Variants in RHOBTB3 observed in about 807,000 individuals in gnomAD.
RHOBTB3 encodes rho-related BTB domain-containing protein 3.
In RHOBTB3, 47 loss-of-function variants were observed where a neutral mutation model predicts 67.2. The ratio of observed to expected loss-of-function variants is 0.70; its 90% confidence interval spans 0.55 to 0.89. RHOBTB3 has a LOEUF of 0.89. RHOBTB3 is among the 40% of genes least tolerant of loss of function. The pLI is 0.00. For synonymous variants in RHOBTB3, 273 were observed against 274.2 expected, an observed-to-expected ratio of 1.00 and a Z score of 0.04; for missense variants, 631 against 750.0, an observed-to-expected ratio of 0.84 and a Z score of 1.85.
rs1755510388 is a variant in RHOBTB3, at chr5:95,738,434, G to C, written c.415+1359G>C. The stretch of plus-strand genomic sequence containing the variant: ...TGAATTTGTTCCCCAAAGTTCATGT[G>C]ATGGCACAGTGTTGGGCAGTGAGAC... On this transcript the variant is annotated intron_variant, in intron 3 of 11. Coordinates refer to ENST00000379982, the MANE Select transcript of RHOBTB3 (RefSeq NM_014899.4). Among the ~76,000 whole-genome samples, 4 of 152,330 alleles carry C rather than the reference G, an allele frequency of 2.6e-5. No individual in the cohort carries two copies. The South Asian group carries it at 8.3e-4, about 32-fold the overall frequency.
In RHOBTB3 at chr5:95,752,920, A is replaced by T. The variant is rs576286761; in HGVS notation, c.682+570A>T. On this transcript the variant is annotated intron_variant, in intron 5 of 11. Transcript: ENST00000379982. The stretch of plus-strand genomic sequence containing the variant: ...GCCGAGGTGGGAGGATCACAAGGTC[A>T]GGAGATCGAGACCATCCTGGCTAAC... Among the ~76,000 whole-genome samples, 8 of 152,292 alleles carry T rather than the reference A, an allele frequency of 5.3e-5. No individual in the cohort carries two copies. In the East Asian group the frequency reaches 1.5e-3, roughly 29 times the overall value.
chr5:95,764,730 T>G (rs1354799580), intron 7 of RHOBTB3, among the ~76,000 whole-genome samples: 1 of 152,248 alleles, frequency 6.6e-6, no homozygotes, highest in Non-Finnish European at 1.5e-5. Context: ...CTTTTCTGTT[T>G]TCTAAAACCT....
rs1428841794 is a variant in RHOBTB3 at position 95,731,846 on chromosome 5, T to A, written c.3-13T>A. 3 of 1,608,190 alleles carry A rather than the reference T, an allele frequency of 1.9e-6. No individual in the cohort carries two copies. In the East Asian group the frequency reaches 6.7e-5, roughly 36 times the overall value. ...GTGCTTCCCTTCTCCCCTCGCCCCC[T>A]CTGTCCGTGCAGGTCCATCCACATC... On this transcript the variant is annotated splice_polypyrimidine_tract_variant and intron_variant, in intron 1 of 11. Coordinates refer to ENST00000379982, the MANE Select transcript of RHOBTB3 (RefSeq NM_014899.4).
intron 8 of RHOBTB3, among the ~76,000 whole-genome samples, chr5:95,776,709 A>G (rs193142723): frequency 5.1e-4 from 78 of 152,282 alleles, no homozygotes; most frequent in Middle Eastern, 3.4e-3. Flanking sequence ...ATGCATACTT[A>G]CTATGTAGGT....
chr5:95,739,377 A>G (rs778745768), intron 3 of RHOBTB3, among the ~76,000 whole-genome samples: 1 of 152,162 alleles, frequency 6.6e-6, no homozygotes, highest in Non-Finnish European at 1.5e-5. Flanking sequence ...TCTTTAAGGG[A>G]TGGTTTCAGA....
chr5:95,761,191 T>C (rs1745382896), intron 6 of RHOBTB3, among the ~76,000 whole-genome samples: 1 of 152,222 alleles, frequency 6.6e-6, no homozygotes. Flanking sequence ...CTTTTACATA[T>C]ATAAGTATGT....
At chr5:95,792,650 G>C (rs1434857708) in intron 11 of RHOBTB3, among the ~76,000 whole-genome samples, 1 of 151,262 alleles carries the variant, frequency 6.6e-6, no homozygotes, top group African/African-American at 2.4e-5. Flanking sequence ...AAATTAGCTG[G>C]GCGTGGTGTC....
At chr5:95,766,885 G>A (rs188311868) in intron 7 of RHOBTB3, among the ~76,000 whole-genome samples, 1 of 152,310 alleles carries the variant, frequency 6.6e-6, no homozygotes, top group African/African-American at 2.4e-5. Context: ...TCTGCTGTGA[G>A]TAGGAAGGAC....
intron 3 of RHOBTB3, among the ~76,000 whole-genome samples, chr5:95,748,063 C>T (rs947556730): frequency 2.6e-5 from 4 of 152,150 alleles, no homozygotes; most frequent in East Asian, 1.9e-4. Flanking sequence ...AGCAGGCCCA[C>T]GAGTACTGGT....
chr5:95,775,384 A>ATG (rs1745839497), intron 8 of RHOBTB3, among the ~76,000 whole-genome samples: 2 of 148,430 alleles, frequency 1.3e-5, no homozygotes, highest in African/African-American at 2.5e-5. Context: ...ACTATTAAGA[A>ATG]TGTGTGTGTA....
chr5:95,766,790 G>A (rs974210932), intron 7 of RHOBTB3, among the ~76,000 whole-genome samples: 3 of 152,082 alleles, frequency 2.0e-5, no homozygotes, highest in African/African-American at 7.2e-5. Context: ...AGCCAGGCGC[G>A]ACAGGACAGA....
Position 95,725,009 on chromosome 5 carries a change from TA to T in RHOBTB3, n.134-6837del, listed in dbSNP as rs200594125. ...GTCAAAAAAGTGAGACCCCATGTCT[TA>T]AAAAAAAAAAAATTATGTGTAGAAC... On this transcript the variant is annotated intron_variant and non_coding_transcript_variant, in intron 1 of 5. Transcript: ENST00000504949. Among the ~76,000 whole-genome samples the T allele has an allele frequency of 8.8e-3, 1,271 of 144,678 alleles. 36 individuals carry two copies. Among genetic ancestry groups the T allele is most frequent in the East Asian group, 0.082 (411 of 5,024 alleles). The allele number at this position is 144,678 out of a possible 152,430, so 94.9% of individuals were successfully genotyped here. A position where few individuals can be genotyped will look rare whatever the true frequency, so the allele number is the denominator to read the frequency against.
chr5:95,780,540 C>A, intron 9 of RHOBTB3, 115 bp downstream of exon 9: 1 of 861,112 alleles, frequency 1.2e-6, no homozygotes, highest in Non-Finnish European at 1.8e-6. Flanking sequence ...GTTGACATCA[C>A]GGAATGTACT....
At chr5:95,778,033 TCATTTGAA>T (rs747739339) in intron 8 of RHOBTB3, among the ~76,000 whole-genome samples, 32 of 151,792 alleles carry the variant, frequency 2.1e-4, no homozygotes, top group Non-Finnish European at 4.3e-4. Context: ...GGCACGAGAA[TCATTTGAA>T]CCTGGGAGGC....
chr5:95,776,841 G>GGCTTCACCTGCAGACTCCACTCC lies in RHOBTB3; in HGVS notation c.1283-3410_1283-3388dup, dbSNP rs1745899481. On this transcript the variant is annotated intron_variant, in intron 8 of 11. Transcript: ENST00000379982. ...ATAGTGCATACAAAGGACTAGCAGA[G>GGCTTCACCTGCAGACTCCACTCC]GCTTCACCTGCAGACTCCACTCCTC... Among the ~76,000 whole-genome samples the GGCTTCACCTGCAGACTCCACTCC allele has an allele frequency of 2.6e-5, 4 of 152,186 alleles. No homozygotes were observed. In the South Asian group the frequency reaches 8.3e-4, roughly 32 times the overall value.
chr5:95,794,508 A>G lies in RHOBTB3; in HGVS notation c.*1334A>G, dbSNP rs548700323. 1 of 156,406 alleles carries G rather than the reference A, an allele frequency of 6.4e-6. No homozygotes were observed. The highest frequency in any genetic ancestry group is 1.9e-4 in the East Asian group (1 of 5,332). The allele number at this position is 156,406 out of a possible 1,614,324, so 9.7% of individuals were successfully genotyped here. ...AGGATGTAAGTCAAAGACTTGTTACATAGAGGGAAAATGGACTGGGATAGA... is the reference window on the plus strand; with the variant it reads ...AGGATGTAAGTCAAAGACTTGTTACGTAGAGGGAAAATGGACTGGGATAGA... On this transcript the variant is annotated 3_prime_UTR_variant, in exon 12 of 12. Transcript: ENST00000379982.
intron 4 of RHOBTB3, 106 bp downstream of exon 4, chr5:95,748,593 T>TA (rs1263346467): frequency 2.7e-6 from 2 of 730,056 alleles, no homozygotes; most frequent in Non-Finnish European, 4.2e-6. Flanking sequence ...TGGTTTGTCT[T>TA]ACTTAACCTT....
chr5:95,792,919 A>G, intron 11 of RHOBTB3, 140 bp from the exon 12 acceptor site: 1 of 561,226 alleles, frequency 1.8e-6, no homozygotes, highest in Non-Finnish European at 3.1e-6. Flanking sequence ...GTAGTAAATT[A>G]TTTGGGAAAA....
intron 6 of RHOBTB3, among the ~76,000 whole-genome samples, chr5:95,760,118 C>T (rs1745356200): frequency 1.3e-5 from 2 of 152,134 alleles, no homozygotes; most frequent in Non-Finnish European, 2.9e-5. Flanking sequence ...CATTTTACAC[C>T]TATCTATTCC....
Sources: gnomAD v4.1 joint callset for allele counts (sites outside exome capture counted in the v4.1 genomes callset) on GRCh38, gnomAD v4.1.1 for gene constraint, MANE v1.5 for transcripts, NCBI Gene and HGNC (gene_info 2026-07-23, HGNC 2026-07-21) for gene names.